EPS15L1: variants seen among roughly 807,000 people sequenced by gnomAD.
EPS15L1 encodes the protein epidermal growth factor receptor substrate 15-like 1.
Under a neutral mutation model 117.1 loss-of-function variants are expected in EPS15L1, and 43 were observed. That is an observed-to-expected ratio of 0.37 (90% confidence interval 0.29 to 0.47). EPS15L1 has a LOEUF of 0.47. EPS15L1 is among the 20% of genes least tolerant of loss of function. The pLI is 0.99. For missense variants in EPS15L1, 981 were observed against 1,164.0 expected, an observed-to-expected ratio of 0.84 and a Z score of 2.29; for synonymous variants, 459 against 470.5, an observed-to-expected ratio of 0.98 and a Z score of 0.32.
chr19:16,378,372 ACT>A (rs1425563855), intron 21 of EPS15L1, among the ~76,000 whole-genome samples: 1 of 151,696 alleles, frequency 6.6e-6, no homozygotes, highest in Non-Finnish European at 1.5e-5. Context: ...CCAGCCGCTG[ACT>A]CAGCCTCCTG....
chr19:16,419,818 C>A (rs1205954041), intron 10 of EPS15L1, among the ~76,000 whole-genome samples: 1 of 152,250 alleles, frequency 6.6e-6, no homozygotes, highest in African/African-American at 2.4e-5. Flanking sequence ...CCCAGTCTGC[C>A]CCTGCGGGCC....
At chr19:16,441,775 G>C (rs748463326) in intron 3 of EPS15L1, 117 bp downstream of exon 3, 2 of 741,232 alleles carry the variant, frequency 2.7e-6, no homozygotes, top group Non-Finnish European at 4.5e-6. Flanking sequence ...GCAGCGACCA[G>C]GCCACTACCC....
intron 1 of EPS15L1, among the ~76,000 whole-genome samples, chr19:16,469,977 A>G (rs142836018): frequency 1.3e-5 from 2 of 152,258 alleles, no homozygotes; most frequent in East Asian, 3.9e-4. Context: ...CATGGTGTAG[A>G]TTTTCACTCG....
rs548778897 is a variant in EPS15L1 at position 16,380,075 on chromosome 19, G to A, written c.2248-2821C>T. 7.2e-5 allele frequency among the ~76,000 whole-genome samples: 11 copies of A among 151,842 alleles called. No individual in the cohort carries two copies. The South Asian group carries it at 1.0e-3, about 14-fold the overall frequency. Reference sequence around the variant, plus strand: ...CTCCAGTGTCTAGTCACACAGATGCGGCTGCCAAAGGCTCTGGCATCTGGT... The same window carrying A: ...CTCCAGTGTCTAGTCACACAGATGCAGCTGCCAAAGGCTCTGGCATCTGGT... On this transcript the variant is annotated intron_variant, in intron 21 of 23. Coordinates refer to ENST00000455140, the MANE Select transcript of EPS15L1 (RefSeq NM_001258374.3).
chr19:16,462,767 T>C (rs961806681), intron 1 of EPS15L1, among the ~76,000 whole-genome samples: 7 of 152,110 alleles, frequency 4.6e-5, no homozygotes, highest in African/African-American at 1.7e-4. Context: ...AGACAGGGCC[T>C]GTGCAAAGGG....
At position 16,404,062 on chromosome 19, in the gene EPS15L1, C is replaced by T; in HGVS notation, c.1429-132G>A. The T allele has an allele frequency of 1.3e-6, 1 of 780,296 alleles. No individual in the cohort carries two copies. The highest frequency in any genetic ancestry group is 2.1e-6 in the Non-Finnish European group (1 of 486,102). 48.3% of individuals were successfully genotyped at this position (780,296 alleles called of 1,614,324 possible). Reference sequence around the variant, plus strand: ...ACGCAGACACCTAACCCAGGCCCGACACCTGGCTTCCTTACAGGCCTCTTT... The same window carrying T: ...ACGCAGACACCTAACCCAGGCCCGATACCTGGCTTCCTTACAGGCCTCTTT... On this transcript the variant is annotated intron_variant, in intron 14 of 23. Transcript: ENST00000455140. This position sits in a 1 kb window ranked among gnomAD's most constrained non-coding sequence, Gnocchi z 4.2.
At position 16,471,811 on chromosome 19, in the gene EPS15L1, CCCG is replaced by C; in HGVS notation, c.33+99_33+101del. 7 of 579,020 alleles carry C rather than the reference CCCG, an allele frequency of 1.2e-5. No homozygotes were observed. The highest frequency in any genetic ancestry group is 2.0e-5 in the African/African-American group (1 of 50,398). 35.9% of individuals were successfully genotyped at this position (579,020 alleles called of 1,614,324 possible). A position where few individuals can be genotyped will look rare whatever the true frequency, so the allele number is the denominator to read the frequency against. On this transcript the variant is annotated intron_variant, in intron 1 of 23. Transcript: ENST00000455140. This position sits in a 1 kb window ranked among gnomAD's most constrained non-coding sequence, Gnocchi z 4.8. ...CGCAAGCCCTTCAGCACGCGCCGCC[CCCG>C]CCGCCGCCTGGCTGAGTCTCCCAGC...
chr19:16,395,259 C>A, intron 17 of EPS15L1, 85 bp downstream of exon 17: 1 of 1,333,138 alleles, frequency 7.5e-7, no homozygotes, highest in Non-Finnish European at 1.0e-6. Flanking sequence ...GTGGCATGTC[C>A]TTACTTTTCT....
In EPS15L1 at chr19:16,471,920, G is replaced by A; in HGVS notation, c.26C>T (p.Ser9Phe). Residue 9 changes from serine to phenylalanine, a missense_variant, in exon 1 of 24, where the codon TCC becomes TTC. Physicochemically the swap from Ser to Phe is radical, Grantham distance 155. This residue lies in a region of EPS15L1 where 37 missense variants were observed against 21.2 expected (regional missense o/e 1.75). Transcript: ENST00000455140. This position sits in a 1 kb window ranked among gnomAD's most constrained non-coding sequence, Gnocchi z 4.8. MAAPLIPL[S>F]QQIPTGNSLY... ...GGCCCGCCCGGCCCGTACCTGCTGG[G>A]AGAGGGGGATGAGCGGCGCCGCCAT... 3 of 1,300,780 alleles carry A rather than the reference G, an allele frequency of 2.3e-6. No individual in the cohort carries two copies. The highest frequency in any genetic ancestry group is 2.9e-6 in the Non-Finnish European group (3 of 1,026,554). The allele number at this position is 1,300,780 out of a possible 1,614,324, so 80.6% of individuals were successfully genotyped here.
intron 4 of EPS15L1, among the ~76,000 whole-genome samples, chr19:16,438,936 C>G (rs557660773): frequency 3.3e-5 from 5 of 152,126 alleles, no homozygotes; most frequent in African/African-American, 1.2e-4. Flanking sequence ...CTGCCCACCC[C>G]CAGTGGCCTG....
At chr19:16,367,799 A>C (rs940565651) in intron 22 of EPS15L1, among the ~76,000 whole-genome samples, 1 of 151,830 alleles carries the variant, frequency 6.6e-6, no homozygotes, top group Non-Finnish European at 1.5e-5. Flanking sequence ...CAAACAAAAA[A>C]TTGAATAGAA....
intron 7 of EPS15L1, among the ~76,000 whole-genome samples, chr19:16,429,199 T>C (rs1430070121): frequency 2.8e-4 from 42 of 152,092 alleles, no homozygotes; most frequent in Admixed American, 2.6e-3. Context: ...TGAGCAGGTC[T>C]GTGGGTCTCG....
chr19:16,469,502 A>G (rs2093330434), intron 1 of EPS15L1, among the ~76,000 whole-genome samples: 1 of 151,986 alleles, frequency 6.6e-6, no homozygotes, highest in South Asian at 2.1e-4. Flanking sequence ...AGGGAGACAC[A>G]CAAATCACTG....
intron 12 of EPS15L1, 139 bp from the exon 13 acceptor site, chr19:16,413,984 C>T (rs2092732694): frequency 6.1e-6 from 4 of 660,062 alleles, no homozygotes; most frequent in Non-Finnish European, 8.0e-6. Flanking sequence ...AGCGACTGCT[C>T]GCCCTGTACA....
chr19:16,445,350 A>G (rs988704740), intron 1 of EPS15L1, among the ~76,000 whole-genome samples: 2 of 152,248 alleles, frequency 1.3e-5, no homozygotes, highest in Non-Finnish European at 2.9e-5. Context: ...GTATGGCTCA[A>G]CCATTGCTCA....
intron 10 of EPS15L1, among the ~76,000 whole-genome samples, chr19:16,421,054 A>C (rs991607495): frequency 6.6e-6 from 1 of 152,272 alleles, no homozygotes; most frequent in African/African-American, 2.4e-5. Flanking sequence ...CAGCTGTGTA[A>C]GCAAATGGCC....
chr19:16,439,500 T>C (rs2093009139), intron 4 of EPS15L1, among the ~76,000 whole-genome samples: 1 of 151,938 alleles, frequency 6.6e-6, no homozygotes, highest in Non-Finnish European at 1.5e-5. Context: ...GAGACCAACC[T>C]GGGCATAGTG....
At chr19:16,466,798 G>A (rs558870276) in intron 1 of EPS15L1, among the ~76,000 whole-genome samples, 2 of 152,070 alleles carry the variant, frequency 1.3e-5, no homozygotes, top group African/African-American at 2.4e-5. Flanking sequence ...AGCTACTCAG[G>A]AGGCTGAGAC....
rs2092365682 is a variant in EPS15L1 at position 16,381,815 on chromosome 19, G to A, written c.2247+3314C>T. On this transcript the variant is annotated intron_variant, in intron 21 of 23. Coordinates refer to ENST00000455140, the MANE Select transcript of EPS15L1 (RefSeq NM_001258374.3). This position sits in a 1 kb window ranked among gnomAD's most constrained non-coding sequence, Gnocchi z 4.2. ...TCTGCGATTCATGGAACATGTCCCT[G>A]GGCCTAGGGCCCGTGCGAGTCCCCC... Among the ~76,000 whole-genome samples, 1 of 152,222 alleles carries A rather than the reference G, an allele frequency of 6.6e-6. No individual in the cohort carries two copies. The highest frequency in any genetic ancestry group is 1.5e-5 in the Non-Finnish European group (1 of 68,036).
Sources: gnomAD v4.1 joint callset for allele counts (sites outside exome capture counted in the v4.1 genomes callset) on GRCh38, gnomAD v4.1.1 for gene constraint, gnomAD v4.1.1 regional missense constraint, Gnocchi (gnomAD v3.1) non-coding constraint, MANE v1.5 for transcripts, NCBI Gene and HGNC (gene_info 2026-07-23, HGNC 2026-07-21) for gene names.